KIR3DL3: variants seen among roughly 807,000 people sequenced by gnomAD.
KIR3DL3 encodes killer cell immunoglobulin-like receptor 3DL3.
KIR3DL3 carries 27 observed loss-of-function variants against 34.9 expected under a neutral mutation model. That is an observed-to-expected ratio of 0.77 (90% CI 0.57 to 1.07). The LOEUF (loss-of-function observed/expected upper bound fraction) is 1.07, where lower values mean the gene tolerates loss of function less well. Ranked by LOEUF, KIR3DL3 falls within the 50% of genes least tolerant of loss-of-function variation. The pLI, the probability that KIR3DL3 is intolerant of heterozygous loss-of-function variation, is 0.00. For missense variants in KIR3DL3, 681 were observed against 528.5 expected (o/e 1.29, Z -2.83); for synonymous variants, 217 against 200.2 (o/e 1.08, Z -0.71).
intron 3 of KIR3DL3, 79 bp from the exon 4 acceptor site, chr19:54,727,532 G>A (rs1188278227): frequency 2.2e-6 from 3 of 1,366,574 alleles, no homozygotes; most frequent in Non-Finnish European, 3.0e-6. Flanking sequence ...ACCATGGAGG[G>A]GAAGCCTCAC....
chr19:54,734,303 C>G (rs1376859925), intron 5 of KIR3DL3, among the ~76,000 whole-genome samples: 1 of 151,396 alleles, frequency 6.6e-6, no homozygotes, highest in Admixed American at 6.6e-5. Flanking sequence ...TATCACTCAC[C>G]GTCACTCCAG....
At chr19:54,729,355 A>G in intron 4 of KIR3DL3, 138 bp from the exon 5 acceptor site, 1 of 1,014,058 alleles carries the variant, frequency 9.9e-7, no homozygotes, top group East Asian at 2.4e-5. Flanking sequence ...ATAGACATGA[A>G]GAGAGATGGG....
chr19:54,735,095 A>ATGAGAG (rs2069328451), intron 5 of KIR3DL3, among the ~76,000 whole-genome samples, 158 bp from the exon 6 acceptor site: 813 of 134,768 alleles, frequency 6.0e-3, no homozygotes, highest in South Asian at 0.013. Context: ...TATGGTTACT[A>ATGAGAG]CAACTGAGAA....
At chr19:54,733,682 T>G (rs1466904345) in intron 5 of KIR3DL3, among the ~76,000 whole-genome samples, 2 of 152,226 alleles carry the variant, frequency 1.3e-5, no homozygotes, top group African/African-American at 4.8e-5. Context: ...TGGCTTTCTG[T>G]GAGCTTGGGA....
chr19:54,726,608 C>T (rs1339172534), intron 3 of KIR3DL3, among the ~76,000 whole-genome samples: 7 of 145,512 alleles, frequency 4.8e-5, no homozygotes, highest in Admixed American at 2.8e-4. Flanking sequence ...GTTGACCTTG[C>T]GATGGGGAGA....
intron 5 of KIR3DL3, among the ~76,000 whole-genome samples, chr19:54,733,755 C>T (rs2069096843): frequency 6.6e-6 from 1 of 152,164 alleles, no homozygotes. Context: ...AGAGAACGTG[C>T]TCTGTTCATG....
chr19:54,735,337 G>A lies in KIR3DL3; in HGVS notation c.1034G>A (p.Arg345His), dbSNP rs758543270. The A allele has an allele frequency of 7.0e-6, 10 of 1,428,070 alleles. No homozygotes were observed. The highest frequency in any genetic ancestry group is 8.9e-6 in the Non-Finnish European group (9 of 1,016,126). The allele number at this position is 1,428,070 out of a possible 1,614,324, so 88.5% of individuals were successfully genotyped here. A position where few individuals can be genotyped will look rare whatever the true frequency, so the allele number is the denominator to read the frequency against. Reference protein sequence around the residue: ...FAILLFFLLHRWCANKKNAVV... With the variant: ...FAILLFFLLHHWCANKKNAVV... ...ATCCTCCTCTTCTTTCTCCTTCATC[G>A]CTGGTGTGCCAACAAAAAGAGTAAG... Residue 345 changes from arginine to histidine, a missense_variant, in exon 6 of 8, where the codon CGC becomes CAC. By Grantham distance (29) the Arg-to-His change is conservative. Coordinates refer to ENST00000291860, the MANE Select transcript of KIR3DL3 (RefSeq NM_153443.5).
At chr19:54,728,156 A>G (rs1275983648) in intron 4 of KIR3DL3, among the ~76,000 whole-genome samples, 1 of 151,160 alleles carries the variant, frequency 6.6e-6, no homozygotes, top group African/African-American at 2.4e-5. Context: ...GAGGTAAAGA[A>G]GACACAGAGA....
Position 54,735,630 on chromosome 19 carries a change from A to G in KIR3DL3, c.1055-190A>G, listed in dbSNP as rs1466821140. ...AGGCAGAAAGTGGGACACAGAATCA[A>G]TAGGATGGGAACTCAGAGCTATACA... On this transcript the variant is annotated intron_variant, in intron 6 of 7. Coordinates refer to ENST00000291860, the MANE Select transcript of KIR3DL3 (RefSeq NM_153443.5). Among the ~76,000 whole-genome samples the G allele has an allele frequency of 4.7e-5, 6 of 128,836 alleles. No homozygotes were observed. The East Asian group carries it at 1.2e-3, about 25-fold the overall frequency. The allele number at this position is 128,836 out of a possible 152,430, so 84.5% of individuals were successfully genotyped here. A position where few individuals can be genotyped will look rare whatever the true frequency, so the allele number is the denominator to read the frequency against.
Position 54,725,343 on chromosome 19 carries a change from C to T in KIR3DL3, c.70+61C>T, listed in dbSNP as rs926581824. 96 of 1,284,338 alleles carry T rather than the reference C, an allele frequency of 7.5e-5. No homozygotes were observed. In the Admixed American group the frequency reaches 1.3e-3, roughly 17 times the overall value. 79.6% of individuals were successfully genotyped at this position (1,284,338 alleles called of 1,614,324 possible). A position where few individuals can be genotyped will look rare whatever the true frequency, so the allele number is the denominator to read the frequency against. On this transcript the variant is annotated intron_variant, in intron 2 of 7. Transcript: ENST00000291860. ...CCCACATAAGATGATGCTCCTGAAA[C>T]GGGAGGCAGGCGACACAGGGGGTTG...
intron 5 of KIR3DL3, 97 bp from the exon 6 acceptor site, chr19:54,735,156 C>A: frequency 1.0e-6 from 1 of 961,566 alleles, no homozygotes; most frequent in African/African-American, 1.6e-5. Flanking sequence ...CCTAAAGAGA[C>A]GTTGTATGTG....
In KIR3DL3 at chr19:54,726,245, C is replaced by A; in HGVS notation, c.263C>A (p.Ala88Glu). The A allele has an allele frequency of 6.2e-7, 1 of 1,613,998 alleles. No individual in the cohort carries two copies. Among genetic ancestry groups the A allele is most frequent in the Non-Finnish European group, 8.5e-7 (1 of 1,179,974 alleles). The stretch of plus-strand genomic sequence containing the variant: ...TTTCTCATGGGCCCTGTGACCCCAG[C>A]ACATGCAGGGACCTACAGATGTTGC... ...NSFLMGPVTPAHAGTYRCCSS... is the reference protein window; with the variant it reads ...NSFLMGPVTPEHAGTYRCCSS... Residue 88 changes from alanine to glutamate, a missense_variant, in exon 3 of 8, where the codon GCA becomes GAA. By Grantham distance (107) the Ala-to-Glu change is moderately radical. Transcript: ENST00000291860.
chr19:54,724,556 A>C, intron 1 of KIR3DL3, 26 bp downstream of exon 1: 2 of 1,608,296 alleles, frequency 1.2e-6, no homozygotes, highest in Non-Finnish European at 1.7e-6. Context: ...GAATCGAGGG[A>C]GGGAGCGCTG....
At chr19:54,728,969 G>T (rs1418219323) in intron 4 of KIR3DL3, among the ~76,000 whole-genome samples, 1 of 136,974 alleles carries the variant, frequency 7.3e-6, no homozygotes, top group Non-Finnish European at 1.7e-5. Context: ...AAGACAGACA[G>T]ATGATATATA....
In KIR3DL3 at chr19:54,729,494, T is replaced by C; in HGVS notation, c.657T>C (p.Gly219=). ...GGAAACCACCTCTTCTTCTTCCAGG[T>C]CTATATGGGAAACCTTCTCTCTCAG... is the stretch of plus-strand genomic sequence containing the variant. ...PSDPLDIVVV[G]LYGKPSLSAQ... The change falls in exon 5 of 8, where the codon GGT becomes GGC. Residue 219 remains glycine (G), a splice_region_variant and synonymous_variant. Transcript: ENST00000291860. The C allele has an allele frequency of 3.8e-6, 6 of 1,596,052 alleles. No homozygotes were observed. Among genetic ancestry groups the C allele is most frequent in the Non-Finnish European group, 5.1e-6 (6 of 1,174,920 alleles).
At chr19:54,734,709 T>C (rs1388175750) in intron 5 of KIR3DL3, among the ~76,000 whole-genome samples, 11,516 of 124,762 alleles carry the variant, frequency 0.092, no homozygotes, top group South Asian at 0.18. Flanking sequence ...CTCACAGTTC[T>C]GCAGGCTGTA....
In KIR3DL3 at chr19:54,736,459, G is replaced by A. The variant is rs1417032235; in HGVS notation, c.*363G>A. On this transcript the variant is annotated 3_prime_UTR_variant, in exon 8 of 8. Coordinates refer to ENST00000291860, the MANE Select transcript of KIR3DL3 (RefSeq NM_153443.5). The stretch of plus-strand genomic sequence containing the variant: ...CTACTTGAGGCTGCGATCACACTGA[G>A]GAACTCACAATTCCAAACATATAAG... 5.3e-6 allele frequency: 2 copies of A among 378,026 alleles called. No homozygotes were observed. Among genetic ancestry groups the A allele is most frequent in the Non-Finnish European group, 9.5e-6 (2 of 209,666 alleles). The allele number at this position is 378,026 out of a possible 1,614,324, so 23.4% of individuals were successfully genotyped here.
chr19:54,727,554 C>A, intron 3 of KIR3DL3, 57 bp from the exon 4 acceptor site: 2 of 1,526,670 alleles, frequency 1.3e-6, no homozygotes, highest in South Asian at 1.2e-5. Flanking sequence ...TATTTCAGGT[C>A]CCATGAATGG....
chr19:54,735,041 G>T (rs661147), intron 5 of KIR3DL3, among the ~76,000 whole-genome samples: 25,038 of 120,674 alleles, frequency 0.21, 2,686 homozygotes, highest in South Asian at 0.23. Context: ...AGGTTTGAAG[G>T]GGTCAAACAT....
Sources: gnomAD v4.1 joint callset for allele counts (sites outside exome capture counted in the v4.1 genomes callset) on GRCh38, gnomAD v4.1.1 for gene constraint, MANE v1.5 for transcripts, NCBI Gene and HGNC (gene_info 2026-07-23, HGNC 2026-07-21) for gene names.